Variants in NXN observed in about 807,000 individuals in gnomAD.
NXN encodes the protein nucleoredoxin 1.
NXN carries 16 observed loss-of-function variants against 48.6 expected under a neutral mutation model. The ratio of observed to expected loss-of-function variants is 0.33; its 90% CI spans 0.22 to 0.50. NXN has a LOEUF of 0.50. Among genes scored for constraint, NXN ranks in the 20% least tolerant of loss-of-function variants. The probability of loss-of-function intolerance (pLI) is 0.98; values close to 1 mark genes in which losing one functional copy is unlikely to be tolerated. For missense variants in NXN, 492 were observed against 605.5 expected (o/e 0.81, Z 1.97); for synonymous variants, 281 against 269.6 (o/e 1.04, Z -0.41).
intron 1 of NXN, among the ~76,000 whole-genome samples, chr17:852,095 G>A (rs1339341937): frequency 2.0e-5 from 3 of 152,348 alleles, no homozygotes; most frequent in Admixed American, 6.5e-5. Flanking sequence ...AGTGAGAAAA[G>A]GGAGCTAGAA....
chr17:829,669 T>G (rs971889167), intron 1 of NXN, among the ~76,000 whole-genome samples: 1 of 152,128 alleles, frequency 6.6e-6, no homozygotes, highest in African/African-American at 2.4e-5. Flanking sequence ...CCCCTCCCTG[T>G]GTCCACGTGT....
chr17:893,104 C>G (rs1263043430), intron 1 of NXN, among the ~76,000 whole-genome samples: 2 of 152,264 alleles, frequency 1.3e-5, no homozygotes, highest in African/African-American at 4.8e-5. Flanking sequence ...CCCTAAAGGG[C>G]AAAGCTGTTC....
chr17:960,986 G>A (rs1389567021), intron 1 of NXN, among the ~76,000 whole-genome samples: 4 of 151,190 alleles, frequency 2.6e-5, no homozygotes, highest in Non-Finnish European at 4.4e-5. Flanking sequence ...GGGTTTCACC[G>A]TGTTCGCCAG....
At chr17:878,778 G>A (rs1021330023) in intron 1 of NXN, among the ~76,000 whole-genome samples, 18 of 152,106 alleles carry the variant, frequency 1.2e-4, no homozygotes, top group East Asian at 9.6e-4. Flanking sequence ...GGGTAGATGC[G>A]TCAGTGAGAC....
intron 1 of NXN, among the ~76,000 whole-genome samples, chr17:939,615 G>A (rs981651480): frequency 6.6e-6 from 1 of 152,044 alleles, no homozygotes; most frequent in African/African-American, 2.4e-5. Flanking sequence ...CAAAGTGCTG[G>A]GATTACAGGC....
At position 827,772 on chromosome 17, in the gene NXN, C is replaced by T. The variant is rs185711727; in HGVS notation, c.361-1694G>A. 7.6e-4 allele frequency among the ~76,000 whole-genome samples: 115 copies of T among 152,312 alleles called. 1 individual carries two copies. The East Asian group carries it at 0.02, about 27-fold the overall frequency. On this transcript the variant is annotated intron_variant, in intron 1 of 7. Transcript: ENST00000336868. ...CTTGAGGGTCCCGGCAGGAAGGCTACGCCCTTGGGCAGAACAGGGCAAGGA... is the reference window on the plus strand; with the variant it reads ...CTTGAGGGTCCCGGCAGGAAGGCTATGCCCTTGGGCAGAACAGGGCAAGGA...
rs764636145 is a variant in NXN, at chr17:803,837, G to A, written c.1001-31C>T. On this transcript the variant is annotated intron_variant, in intron 6 of 7. Coordinates refer to ENST00000336868, the MANE Select transcript of NXN (RefSeq NM_022463.5). ...ATTGGGTCGGGGGTAGAAAAAGACG[G>A]GGAGAAAAAGCACTGGCTTGTCAAA... 11 of 1,612,754 alleles carry A rather than the reference G, an allele frequency of 6.8e-6. No homozygotes were observed. The African/African-American group carries it at 1.2e-4, about 18-fold the overall frequency.
intron 1 of NXN, among the ~76,000 whole-genome samples, chr17:924,488 C>T (rs1288404171): frequency 1.3e-5 from 2 of 152,240 alleles, no homozygotes; most frequent in Admixed American, 6.5e-5. Context: ...CCGCCCACCT[C>T]GGCCTCCCGA....
chr17:957,453 G>A (rs187716254), intron 1 of NXN, among the ~76,000 whole-genome samples: 6 of 152,194 alleles, frequency 3.9e-5, no homozygotes, highest in Admixed American at 1.3e-4. Context: ...CCAAGATGGC[G>A]AAACACCGTC....
At chr17:837,090 C>T (rs1015012117) in intron 1 of NXN, among the ~76,000 whole-genome samples, 7 of 152,094 alleles carry the variant, frequency 4.6e-5, no homozygotes, top group African/African-American at 1.7e-4. Context: ...GTGATCCCCC[C>T]ACCTCAGCCT....
intron 1 of NXN, chr17:930,250 G>A (rs1018897547): frequency 6.6e-6 from 1 of 152,050 alleles, no homozygotes; most frequent in Non-Finnish European, 1.5e-5. Context: ...GCCTGGCCAA[G>A]ATGGTGAAAC....
rs530883179 is a variant in NXN at position 972,603 on chromosome 17, C to G, written c.360+6716G>C. On this transcript the variant is annotated intron_variant, in intron 1 of 7. Transcript: ENST00000336868. Reference sequence around the variant, plus strand: ...CGGGACGAGCTGGAGCCCTGGAACCCTGATCACTGTCAGGAAAAAGGAAGA... The same window carrying G: ...CGGGACGAGCTGGAGCCCTGGAACCGTGATCACTGTCAGGAAAAAGGAAGA... Among the ~76,000 whole-genome samples the G allele has an allele frequency of 2.0e-4, 31 of 152,362 alleles. 2 individuals are homozygous for G. The South Asian group carries it at 2.7e-3, about 13-fold the overall frequency.
chr17:826,150 T>C (rs1597634429), intron 1 of NXN, 72 bp from the exon 2 acceptor site: 3 of 982,376 alleles, frequency 3.1e-6, no homozygotes, highest in East Asian at 4.8e-5. Context: ...TTGAGCCCCT[T>C]AGGTCTGGAG....
chr17:878,940 G>A (rs867469715), intron 1 of NXN, among the ~76,000 whole-genome samples: 1 of 152,132 alleles, frequency 6.6e-6, no homozygotes, highest in Non-Finnish European at 1.5e-5. Flanking sequence ...TGAGGTGGGT[G>A]GATCACCTGA....
rs1250576365 is a variant in NXN, at chr17:800,690, T to C, written c.*259A>G. 6.3e-6 allele frequency: 2 copies of C among 316,512 alleles called. No individual in the cohort carries two copies. The highest frequency in any genetic ancestry group is 1.2e-5 in the Non-Finnish European group (2 of 173,280). 19.6% of individuals were successfully genotyped at this position (316,512 alleles called of 1,614,324 possible). ...AAAGCTAGTGACTTTGCGAAAGCCA[T>C]GCAGCCCCGCTCTGGCCGGGCCCCC... On this transcript the variant is annotated 3_prime_UTR_variant, in exon 8 of 8. Transcript: ENST00000336868.
At chr17:972,889 G>A (rs541903122) in intron 1 of NXN, among the ~76,000 whole-genome samples, 71 of 152,250 alleles carry the variant, frequency 4.7e-4, no homozygotes, top group African/African-American at 1.6e-3. Context: ...AAATTAGCCA[G>A]GGGTGGTGAC....
At chr17:847,009 C>T (rs2067870392) in intron 1 of NXN, among the ~76,000 whole-genome samples, 1 of 152,170 alleles carries the variant, frequency 6.6e-6, no homozygotes, top group Non-Finnish European at 1.5e-5. Context: ...TACGTAGCGC[C>T]TACCGCCCCA....
intron 1 of NXN, among the ~76,000 whole-genome samples, chr17:883,783 G>GAGTT (rs1414558895): frequency 6.6e-6 from 1 of 152,210 alleles, no homozygotes; most frequent in Non-Finnish European, 1.5e-5. Flanking sequence ...TCTAAAGACA[G>GAGTT]AGTTGCAGGC....
At chr17:870,743 A>T (rs1259042525) in intron 1 of NXN, among the ~76,000 whole-genome samples, 3 of 150,490 alleles carry the variant, frequency 2.0e-5, no homozygotes, top group Non-Finnish European at 4.4e-5. Flanking sequence ...CAACAGAGTG[A>T]GACTCTGTCT....
Sources: allele counts gnomAD v4.1 joint callset (sites outside exome capture counted in the v4.1 genomes callset), GRCh38; gene constraint gnomAD v4.1.1; transcripts MANE v1.5; gene names NCBI Gene and HGNC (gene_info 2026-07-23, HGNC 2026-07-21).